TAF12: variants seen among roughly 807,000 people sequenced by gnomAD.
The protein encoded by TAF12 is transcription initiation factor TFIID subunit 12.
In TAF12, 3 loss-of-function variants were observed where a neutral mutation model predicts 20.8. The observed-to-expected ratio is 0.14, with a 90% CI of 0.07 to 0.37. The LOEUF is 0.37. Among genes scored for constraint, TAF12 ranks in the 10% least tolerant of loss-of-function variants. The pLI is 1.00. For synonymous variants in TAF12, 69 were observed against 70.2 expected (o/e 0.98, Z 0.09); for missense variants, 131 against 197.9 (o/e 0.66, Z 2.03).
intron 2 of TAF12, among the ~76,000 whole-genome samples, chr1:28,619,123 G>A (rs1667128907): frequency 6.6e-6 from 1 of 152,024 alleles, no homozygotes; most frequent in Non-Finnish European, 1.5e-5. Flanking sequence ...AGGCCGAGGT[G>A]GGAGGACTAC....
chr1:28,622,465 T>C (rs1362878073), intron 1 of TAF12, among the ~76,000 whole-genome samples: 1 of 152,038 alleles, frequency 6.6e-6, no homozygotes, highest in Non-Finnish European at 1.5e-5. Flanking sequence ...GGTTAAAAAT[T>C]GAGGGAATGA....
chr1:28,630,749 TAAG>T (rs939606299), intron 1 of TAF12, among the ~76,000 whole-genome samples: 16 of 151,004 alleles, frequency 1.1e-4, no homozygotes, highest in African/African-American at 3.7e-4. Flanking sequence ...CAAAAGACAA[TAAG>T]AAGATAAGTT....
upstream of TAF12, among the ~76,000 whole-genome samples, chr1:28,645,722 G>A (rs576720426): frequency 3.3e-5 from 5 of 152,158 alleles, no homozygotes; most frequent in African/African-American, 1.2e-4. Context: ...TGTAATCCCA[G>A]CATTTTGGGA....
chr1:28,622,825 A>G (rs546831738), intron 1 of TAF12, among the ~76,000 whole-genome samples: 1 of 152,090 alleles, frequency 6.6e-6, no homozygotes, highest in Non-Finnish European at 1.5e-5. Context: ...GTTCGAGAGG[A>G]GCCTGACCAA....
upstream of TAF12, chr1:28,648,045 G>T (rs1424363181): frequency 6.0e-6 from 3 of 499,588 alleles, no homozygotes; most frequent in Non-Finnish European, 7.8e-6. Flanking sequence ...GCCACAATAT[G>T]AACACACCAT....
chr1:28,631,158 G>T (rs1355421390), intron 1 of TAF12, among the ~76,000 whole-genome samples: 1 of 151,768 alleles, frequency 6.6e-6, no homozygotes, highest in Admixed American at 6.6e-5. Flanking sequence ...CAGTGCAAAG[G>T]CTTGTGGGGG....
chr1:28,636,708 G>A (rs1011973251), intron 1 of TAF12, among the ~76,000 whole-genome samples: 1 of 152,038 alleles, frequency 6.6e-6, no homozygotes, highest in African/African-American at 2.4e-5. Context: ...GGTTAAGGCG[G>A]GAGGATCACT....
chr1:28,630,534 AGAGT>A (rs538359216), intron 1 of TAF12, among the ~76,000 whole-genome samples: 277 of 152,158 alleles, frequency 1.8e-3, no homozygotes, highest in African/African-American at 6.4e-3. Context: ...CCTAGGTGAC[AGAGT>A]GAGACGCTGT....
chr1:28,616,242 C>T (rs996934616), intron 3 of TAF12, among the ~76,000 whole-genome samples: 2 of 149,320 alleles, frequency 1.3e-5, no homozygotes, highest in East Asian at 2.0e-4. Context: ...ACTAAAAATA[C>T]GAAATTAGTC....
intron 1 of TAF12, among the ~76,000 whole-genome samples, chr1:28,633,053 C>A (rs1026782614): frequency 1.3e-5 from 2 of 151,246 alleles, no homozygotes; most frequent in Non-Finnish European, 2.9e-5. Flanking sequence ...TTAGTACAGA[C>A]GGGGTTTCAC....
chr1:28,628,050 A>G (rs901093493), intron 1 of TAF12, among the ~76,000 whole-genome samples: 5 of 152,202 alleles, frequency 3.3e-5, no homozygotes, highest in Non-Finnish European at 4.4e-5. Context: ...TATGTAAATT[A>G]TACTACAACT....
At chr1:28,647,549 C>T (rs917008234), upstream of TAF12, among the ~76,000 whole-genome samples, 2 of 152,074 alleles carry the variant, frequency 1.3e-5, no homozygotes, top group Non-Finnish European at 2.9e-5. Context: ...CAGGCATGAC[C>T]CACAGCACCC....
Position 28,635,053 on chromosome 1 carries a change from C to T in TAF12, c.-85+7939G>A, listed in dbSNP as rs1436328895. 7.4e-5 allele frequency among the ~76,000 whole-genome samples: 11 copies of T among 149,296 alleles called. No homozygotes were observed. In the Admixed American group the frequency reaches 7.4e-4, roughly 10 times the overall value. ...TCCTGGCTAACAGGGTGAAACCTCACCTCTACTAAAAAAAAAAATACAAAA... is the reference window on the plus strand; with the variant it reads ...TCCTGGCTAACAGGGTGAAACCTCATCTCTACTAAAAAAAAAAATACAAAA... On this transcript the variant is annotated intron_variant, in intron 1 of 5. Transcript: ENST00000373824.
At chr1:28,644,616 A>G (rs1363671534), upstream of TAF12, among the ~76,000 whole-genome samples, 1 of 152,264 alleles carries the variant, frequency 6.6e-6, no homozygotes, top group Non-Finnish European at 1.5e-5. Context: ...AGTGGGAAAC[A>G]GACCATTAGC....
chr1:28,632,501 G>A (rs904922521), intron 1 of TAF12, among the ~76,000 whole-genome samples: 3 of 152,100 alleles, frequency 2.0e-5, no homozygotes, highest in Non-Finnish European at 4.4e-5. Flanking sequence ...GGGCAGCAGA[G>A]TAAGACTCTG....
upstream of TAF12, among the ~76,000 whole-genome samples, chr1:28,647,365 G>A (rs1338193714): frequency 6.6e-6 from 1 of 151,836 alleles, no homozygotes; most frequent in Non-Finnish European, 1.5e-5. Context: ...ATGGCTCACT[G>A]TAGCCTTGAC....
intron 1 of TAF12, among the ~76,000 whole-genome samples, chr1:28,624,827 CTAAG>C (rs1667331605): frequency 1.3e-5 from 2 of 151,992 alleles, no homozygotes; most frequent in African/African-American, 4.8e-5. Context: ...ATAAAGGCAA[CTAAG>C]TATGTACTGG....
chr1:28,633,313 C>G (rs746197516), intron 1 of TAF12, among the ~76,000 whole-genome samples: 1 of 150,572 alleles, frequency 6.6e-6, no homozygotes, highest in Non-Finnish European at 1.5e-5. Flanking sequence ...ATTACAGGCA[C>G]GTGCCACCAT....
At chr1:28,608,516 G>A (rs1402979394) in intron 4 of TAF12, among the ~76,000 whole-genome samples, 1 of 152,154 alleles carries the variant, frequency 6.6e-6, no homozygotes, top group Non-Finnish European at 1.5e-5. Flanking sequence ...CACTTTGGGA[G>A]GCCAAGGTAG....
Sources: allele counts gnomAD v4.1 joint callset (sites outside exome capture counted in the v4.1 genomes callset), GRCh38; gene constraint gnomAD v4.1.1; transcripts MANE v1.5; gene names NCBI Gene and HGNC (gene_info 2026-07-23, HGNC 2026-07-21).